Variants in RUFY3 observed in about 807,000 individuals in gnomAD.
The protein encoded by RUFY3 is protein RUFY3.
RUFY3 carries 34 observed loss-of-function variants against 84.0 expected under a neutral mutation model. The observed-to-expected ratio is 0.40, with a 90% CI of 0.31 to 0.54. The LOEUF (loss-of-function observed/expected upper bound fraction) is 0.54. Ranked by LOEUF, RUFY3 falls within the 20% of genes least tolerant of loss-of-function variation. The pLI, the probability that RUFY3 is intolerant of heterozygous loss-of-function variation, is 0.39. For synonymous variants in RUFY3, 242 were observed against 252.9 expected (o/e 0.96, Z 0.41); for missense variants, 507 against 736.8 (o/e 0.69, Z 3.61).
At chr4:70,792,474 C>CTTTA in intron 12 of RUFY3, 1 of 985,238 alleles carries the variant, frequency 1.0e-6, no homozygotes, top group South Asian at 4.7e-5. Flanking sequence ...CCTTTCTAGG[C>CTTTA]TTTAACATTG....
intron 1 of RUFY3, among the ~76,000 whole-genome samples, chr4:70,729,906 A>G (rs1442870075): frequency 6.7e-6 from 1 of 150,120 alleles, no homozygotes; most frequent in East Asian, 1.9e-4. Flanking sequence ...GTTATCAGTT[A>G]TCCAGGAATA....
At chr4:70,742,925 A>G (rs1013454419) in intron 1 of RUFY3, among the ~76,000 whole-genome samples, 1 of 152,178 alleles carries the variant, frequency 6.6e-6, no homozygotes, top group African/African-American at 2.4e-5. Context: ...TTTTAATATA[A>G]CTGATTACAT....
At chr4:70,766,466 A>T (rs2148716046) in intron 4 of RUFY3, among the ~76,000 whole-genome samples, 1 of 152,138 alleles carries the variant, frequency 6.6e-6, no homozygotes, top group Non-Finnish European at 1.5e-5. Context: ...GCTGGTCTTC[A>T]ACTCCTGACC....
At chr4:70,772,754 G>A (rs373728536) in intron 5 of RUFY3, among the ~76,000 whole-genome samples, 9 of 151,928 alleles carry the variant, frequency 5.9e-5, no homozygotes, top group African/African-American at 2.2e-4. Context: ...TCCACCTCCT[G>A]GATTCAAGCA....
intron 17 of RUFY3, 26 bp downstream of exon 17, chr4:70,804,442 CT>C: frequency 6.3e-7 from 1 of 1,597,296 alleles, no homozygotes; most frequent in Non-Finnish European, 8.6e-7. Flanking sequence ...AACGGACAGG[CT>C]TTTCATAGGG....
chr4:70,738,458 G>A (rs980084578), intron 1 of RUFY3, among the ~76,000 whole-genome samples: 6 of 147,858 alleles, frequency 4.1e-5, no homozygotes, highest in South Asian at 2.1e-4. Context: ...CGCCTCCCGG[G>A]TTGAAGCAAT....
chr4:70,704,818 TG>T, exon 1 of RUFY3: 1 of 622,194 alleles, frequency 1.6e-6, no homozygotes, highest in Non-Finnish European at 2.3e-6. Context: ...AGAAGAAAGG[TG>T]GCGGTGGCGG....
At chr4:70,744,794 A>G (rs1009693043) in intron 1 of RUFY3, among the ~76,000 whole-genome samples, 2 of 151,536 alleles carry the variant, frequency 1.3e-5, no homozygotes, top group African/African-American at 2.4e-5. Flanking sequence ...AGCTGGGACT[A>G]CAGGCACATG....
intron 14 of RUFY3, chr4:70,799,801 G>A (rs1732002741): frequency 4.4e-6 from 1 of 227,504 alleles, no homozygotes; most frequent in Non-Finnish European, 8.3e-6. Flanking sequence ...GTTTTTCAGA[G>A]CTCAGTCTGG....
At chr4:70,708,330 C>A (rs1249769280) in intron 1 of RUFY3, among the ~76,000 whole-genome samples, 2 of 151,924 alleles carry the variant, frequency 1.3e-5, no homozygotes, top group Non-Finnish European at 2.9e-5. Context: ...CACCACCACC[C>A]CAGCTATTTT....
At chr4:70,769,535 C>T (rs1482542589) in intron 5 of RUFY3, among the ~76,000 whole-genome samples, 4 of 152,210 alleles carry the variant, frequency 2.6e-5, no homozygotes, top group African/African-American at 9.6e-5. Flanking sequence ...TGGCTGCTGA[C>T]TGATCTTGGC....
intron 1 of RUFY3, chr4:70,741,715 C>G: frequency 7.0e-7 from 1 of 1,429,896 alleles, no homozygotes; most frequent in Non-Finnish European, 9.1e-7. Flanking sequence ...AGCTTTTTCT[C>G]CTTGCTTTTT....
chr4:70,745,759 A>G lies in RUFY3; in HGVS notation c.179-16760A>G, dbSNP rs1378417774. Among the ~76,000 whole-genome samples, 5 of 152,170 alleles carry G rather than the reference A, an allele frequency of 3.3e-5. No homozygotes were observed. The East Asian group carries it at 9.6e-4, about 29-fold the overall frequency. Reference sequence around the variant, plus strand: ...TTATTAGCTTCTAGCACTGTGCCACATCGTCATTCAATAAGCTTATTAAGT... The same window carrying G: ...TTATTAGCTTCTAGCACTGTGCCACGTCGTCATTCAATAAGCTTATTAAGT... On this transcript the variant is annotated intron_variant, in intron 1 of 17. Transcript: ENST00000381006.
chr4:70,728,527 T>A (rs1241487380), intron 1 of RUFY3, among the ~76,000 whole-genome samples: 1 of 152,242 alleles, frequency 6.6e-6, no homozygotes, highest in Admixed American at 6.5e-5. Flanking sequence ...GAAATTAGCC[T>A]AAAAGACAGC....
intron 1 of RUFY3, among the ~76,000 whole-genome samples, chr4:70,742,296 C>A (rs887685494): frequency 1.3e-5 from 2 of 152,160 alleles, no homozygotes; most frequent in African/African-American, 4.8e-5. Context: ...ATAGGGAGCT[C>A]AGAGCGATTT....
intron 1 of RUFY3, among the ~76,000 whole-genome samples, chr4:70,744,466 A>G (rs1344670668): frequency 6.6e-6 from 1 of 151,782 alleles, no homozygotes; most frequent in Admixed American, 6.6e-5. Context: ...CTCCCAACGC[A>G]CTAGGATTGC....
At chr4:70,711,041 G>C (rs1216980057) in intron 1 of RUFY3, among the ~76,000 whole-genome samples, 1 of 133,684 alleles carries the variant, frequency 7.5e-6, no homozygotes, top group African/African-American at 3.0e-5. Flanking sequence ...TCCAGCCTGG[G>C]CCACAGAGCA....
At chr4:70,792,626 C>A in intron 12 of RUFY3, 5 of 985,310 alleles carry the variant, frequency 5.1e-6, no homozygotes, top group Non-Finnish European at 6.0e-6. Flanking sequence ...GTATGCTTTG[C>A]AGCATTTCAG....
chr4:70,793,549 G>T, intron 12 of RUFY3: 1 of 1,377,830 alleles, frequency 7.3e-7, no homozygotes. Flanking sequence ...TAAAAAAAAT[G>T]GAAAATCAGC....
Sources: gnomAD v4.1 joint callset for allele counts (sites outside exome capture counted in the v4.1 genomes callset) on GRCh38, gnomAD v4.1.1 for gene constraint, MANE v1.5 for transcripts, NCBI Gene and HGNC (gene_info 2026-07-23, HGNC 2026-07-21) for gene names.